EYA4: variants seen among roughly 807,000 people sequenced by gnomAD.
EYA4 encodes the protein protein phosphatase EYA4.
EYA4 carries 31 observed loss-of-function variants against 87.9 expected under a neutral mutation model. The ratio of observed to expected loss-of-function variants is 0.35; its 90% CI spans 0.27 to 0.48. The LOEUF is 0.48. EYA4 is among the 20% of genes least tolerant of loss of function. EYA4 has a pLI of 0.99. For synonymous variants in EYA4, 263 were observed against 270.6 expected, an observed-to-expected ratio of 0.97 and a Z score of 0.28; for missense variants, 678 against 761.4, an observed-to-expected ratio of 0.89 and a Z score of 1.29.
chr6:133,454,181 A>C (rs1433653019), intron 5 of EYA4, among the ~76,000 whole-genome samples: 2 of 152,198 alleles, frequency 1.3e-5, no homozygotes, highest in Non-Finnish European at 2.9e-5. Context: ...AGTATAATAA[A>C]GCTACTTTTG....
Position 133,359,080 on chromosome 6 carries a change from C to T in EYA4, c.34-23312C>T, listed in dbSNP as rs1194880386. Among the ~76,000 whole-genome samples, 3 of 152,148 alleles carry T rather than the reference C, an allele frequency of 2.0e-5. No homozygotes were observed. In the East Asian group the frequency reaches 5.8e-4, roughly 29 times the overall value. ...TGACAGAAATTCAGTGTGACTAGAACACAGGAAACATGGAGAAGACTGGTC... is the reference window on the plus strand; with the variant it reads ...TGACAGAAATTCAGTGTGACTAGAATACAGGAAACATGGAGAAGACTGGTC... On this transcript the variant is annotated intron_variant, in intron 2 of 19. Transcript: ENST00000355286.
rs951137021 is a variant in EYA4 at position 133,448,043 on chromosome 6, T to C, written c.209-68T>C. 2.8e-5 allele frequency: 33 copies of C among 1,196,722 alleles called. 1 individual carries two copies. The highest frequency in any genetic ancestry group is 1.9e-4 in the Middle Eastern group (1 of 5,344). The allele number at this position is 1,196,722 out of a possible 1,614,324, so 74.1% of individuals were successfully genotyped here. ...AAAAGGTCAGAAACCAGTGCAAGCA[T>C]TGAAGATTATTCATATCCACTCAGC... On this transcript the variant is annotated intron_variant, in intron 4 of 19. Coordinates refer to ENST00000355286, the MANE Select transcript of EYA4 (RefSeq NM_004100.5).
intron 3 of EYA4, among the ~76,000 whole-genome samples, chr6:133,397,320 A>G (rs1037893336): frequency 2.0e-5 from 3 of 152,222 alleles, no homozygotes; most frequent in Non-Finnish European, 4.4e-5. Flanking sequence ...TTTTCCTGAC[A>G]CTGGAAGAAG....
intron 17 of EYA4, among the ~76,000 whole-genome samples, chr6:133,522,248 G>A (rs1205918494): frequency 2.2e-5 from 2 of 91,068 alleles, no homozygotes; most frequent in East Asian, 4.2e-4. Flanking sequence ...ATGTATACGT[G>A]TGCCATGTTG....
Position 133,529,446 on chromosome 6 carries a change from T to C in EYA4, c.*641T>C. On this transcript the variant is annotated 3_prime_UTR_variant, in exon 20 of 20. Transcript: ENST00000355286. Reference sequence around the variant, plus strand: ...AGTTTGGCAAACAGAATGTTCATACTGATGTGTTGTGCCTTAAAGACAAGA... The same window carrying C: ...AGTTTGGCAAACAGAATGTTCATACCGATGTGTTGTGCCTTAAAGACAAGA... 1.0e-6 allele frequency: 1 copy of C among 989,172 alleles called. No individual in the cohort carries two copies. The highest frequency in any genetic ancestry group is 4.6e-5 in the South Asian group (1 of 21,630). The allele number at this position is 989,172 out of a possible 1,614,324, so 61.3% of individuals were successfully genotyped here.
intron 3 of EYA4, among the ~76,000 whole-genome samples, chr6:133,429,817 A>G (rs1259598672): frequency 6.6e-6 from 1 of 152,176 alleles, no homozygotes; most frequent in East Asian, 1.9e-4. Flanking sequence ...TTTTTATCCT[A>G]TGGAGTTGGT....
intron 3 of EYA4, among the ~76,000 whole-genome samples, chr6:133,420,832 C>T (rs116573350): frequency 2.1e-4 from 32 of 152,336 alleles, no homozygotes; most frequent in African/African-American, 7.7e-4. Context: ...CCCAGGGAAT[C>T]AGACAAGTAC....
At chr6:133,354,351 A>T (rs1783857312) in intron 2 of EYA4, among the ~76,000 whole-genome samples, 1 of 152,070 alleles carries the variant, frequency 6.6e-6, no homozygotes, top group South Asian at 2.1e-4. Context: ...TTATTATTGG[A>T]CATCATGGCA....
chr6:133,496,560 C>T (rs1797663563), intron 13 of EYA4, among the ~76,000 whole-genome samples: 2 of 152,294 alleles, frequency 1.3e-5, no homozygotes, highest in East Asian at 3.9e-4. Flanking sequence ...GCTCAGAATA[C>T]AGCCTGGAAG....
At chr6:133,483,716 AT>A (rs1227080901) in intron 13 of EYA4, among the ~76,000 whole-genome samples, 1 of 105,830 alleles carries the variant, frequency 9.4e-6, no homozygotes, top group Non-Finnish European at 2.0e-5. Flanking sequence ...TATTATTATT[AT>A]TATTATTATT....
chr6:133,263,257 G>A (rs1275779503), intron 1 of EYA4, among the ~76,000 whole-genome samples: 2 of 152,168 alleles, frequency 1.3e-5, no homozygotes, highest in African/African-American at 4.8e-5. Flanking sequence ...GATAATTGAA[G>A]GCCGTGAAGA....
At chr6:133,332,058 A>G (rs1267062854) in intron 2 of EYA4, among the ~76,000 whole-genome samples, 1 of 152,192 alleles carries the variant, frequency 6.6e-6, no homozygotes, top group African/African-American at 2.4e-5. Flanking sequence ...GTGGGAACTC[A>G]ACAGTTTCCC....
Position 133,530,329 on chromosome 6 carries a change from T to C in EYA4, c.*1524T>C. The C allele has an allele frequency of 1.0e-6, 1 of 985,406 alleles. No homozygotes were observed. Among genetic ancestry groups the C allele is most frequent in the Non-Finnish European group, 1.2e-6 (1 of 829,918 alleles). The allele number at this position is 985,406 out of a possible 1,614,324, so 61.0% of individuals were successfully genotyped here. ...ACAAGAAGAGCCCATCATCGTTGTG[T>C]TTGCATGGTTTTTTTCCTTGTGTGT... On this transcript the variant is annotated 3_prime_UTR_variant, in exon 20 of 20. Transcript: ENST00000355286.
intron 2 of EYA4, 29 bp from the exon 3 acceptor site, chr6:133,382,363 T>C: frequency 6.5e-7 from 1 of 1,527,460 alleles, no homozygotes; most frequent in Non-Finnish European, 9.1e-7. Flanking sequence ...TATTTTCATA[T>C]GAGAATAACT....
intron 3 of EYA4, among the ~76,000 whole-genome samples, chr6:133,437,577 A>G (rs1407609000): frequency 6.6e-6 from 1 of 152,200 alleles, no homozygotes; most frequent in African/African-American, 2.4e-5. Flanking sequence ...GTAATAGTCC[A>G]TTTTCATACT....
At chr6:133,418,455 A>G (rs1789936603) in intron 3 of EYA4, among the ~76,000 whole-genome samples, 2 of 152,338 alleles carry the variant, frequency 1.3e-5, no homozygotes, top group East Asian at 3.9e-4. Context: ...TGTTGAATGC[A>G]TGGTTAATGA....
chr6:133,446,874 T>G, intron 4 of EYA4, 120 bp downstream of exon 4: 1 of 1,005,828 alleles, frequency 9.9e-7, no homozygotes, highest in Non-Finnish European at 1.5e-6. Flanking sequence ...CAGCATTATA[T>G]CCAAGGTATA....
intron 2 of EYA4, among the ~76,000 whole-genome samples, chr6:133,316,317 TC>T (rs1044677497): frequency 4.7e-4 from 71 of 151,972 alleles, no homozygotes; most frequent in Admixed American, 3.7e-3. Flanking sequence ...TTAAATACAA[TC>T]CTCCCACCGT....
At chr6:133,384,983 T>C (rs534937307) in intron 3 of EYA4, among the ~76,000 whole-genome samples, 78 of 152,240 alleles carry the variant, frequency 5.1e-4, no homozygotes, top group African/African-American at 1.7e-3. Context: ...CATACATATA[T>C]GGGTACATTC....
Sources: gnomAD v4.1 joint callset for allele counts (sites outside exome capture counted in the v4.1 genomes callset) on GRCh38, gnomAD v4.1.1 for gene constraint, MANE v1.5 for transcripts, NCBI Gene and HGNC (gene_info 2026-07-23, HGNC 2026-07-21) for gene names.